The following TMEM178B variants were observed in gnomAD, a reference collection of about 807,000 sequenced individuals.
TMEM178B encodes transmembrane protein 178B.
Under a neutral mutation model 31.0 loss-of-function variants are expected in TMEM178B, and 5 were observed. The ratio of observed to expected loss-of-function variants is 0.16; its 90% CI spans 0.08 to 0.34. TMEM178B has a LOEUF of 0.34. TMEM178B is among the 10% of genes least tolerant of loss of function. The pLI is 1.00. For missense variants in TMEM178B, 275 were observed against 400.3 expected (o/e 0.69, Z 2.67); for synonymous variants, 164 against 164.0 (o/e 1.00, Z 0.00).
At chr7:141,089,584 A>G (rs2129172099) in intron 1 of TMEM178B, among the ~76,000 whole-genome samples, 1 of 152,348 alleles carries the variant, frequency 6.6e-6, no homozygotes, top group South Asian at 2.1e-4. Context: ...GGCACTATTC[A>G]CAATAGCAAA....
intron 2 of TMEM178B, among the ~76,000 whole-genome samples, chr7:141,238,121 G>A (rs2041533): frequency 0.24 from 36,952 of 151,850 alleles, 5,888 homozygotes; most frequent in Non-Finnish European, 0.36. Context: ...CTGGGAAACC[G>A]GTTGACTTCA....
chr7:141,299,042 A>G (rs958947211), intron 2 of TMEM178B, among the ~76,000 whole-genome samples: 5 of 152,014 alleles, frequency 3.3e-5, no homozygotes, highest in Admixed American at 2.0e-4. Flanking sequence ...TGGGTGAGAG[A>G]GAGATGTCAC....
In TMEM178B at chr7:141,192,175, C is replaced by T. The variant is rs2129185070; in HGVS notation, c.383-20416C>T. On this transcript the variant is annotated intron_variant, in intron 1 of 3. Transcript: ENST00000565468. ...GAGCTGGATTTTCTGAATTCTGGCC[C>T]AGTTCTTCTATCACCTAGGCAACAG... Among the ~76,000 whole-genome samples, 3 of 152,234 alleles carry T rather than the reference C, an allele frequency of 2.0e-5. No homozygotes were observed. In the South Asian group the frequency reaches 6.2e-4, roughly 32 times the overall value.
chr7:141,165,929 T>C lies in TMEM178B; in HGVS notation c.383-46662T>C, dbSNP rs1299505816. On this transcript the variant is annotated intron_variant, in intron 1 of 3. Transcript: ENST00000565468. Reference sequence around the variant, plus strand: ...GCTTAGCATTGTGCACGGCACATAGTGAGGGACTGTCCTTGTTAGCCACGG... The same window carrying C: ...GCTTAGCATTGTGCACGGCACATAGCGAGGGACTGTCCTTGTTAGCCACGG... Among the ~76,000 whole-genome samples the C allele has an allele frequency of 2.6e-5, 4 of 152,222 alleles. No individual in the cohort carries two copies. In the East Asian group the frequency reaches 7.7e-4, roughly 29 times the overall value.
intron 2 of TMEM178B, among the ~76,000 whole-genome samples, chr7:141,300,626 A>G (rs931012566): frequency 6.6e-6 from 1 of 151,960 alleles, no homozygotes; most frequent in African/African-American, 2.4e-5. Context: ...CCCATCTCTC[A>G]TCATTTGTGG....
intron 1 of TMEM178B, among the ~76,000 whole-genome samples, chr7:141,138,877 G>C (rs1014131939): frequency 6.6e-6 from 1 of 151,904 alleles, no homozygotes; most frequent in Non-Finnish European, 1.5e-5. Flanking sequence ...CCAGCTACTC[G>C]GGAGGCTGAG....
the TMEM178B span, among the ~76,000 whole-genome samples, chr7:141,491,074 C>G: frequency 6.6e-6 from 1 of 152,060 alleles, no homozygotes; most frequent in Admixed American, 6.6e-5. Context: ...GTTGCCCAGG[C>G]TGGAGTGCAG....
At chr7:141,245,170 C>CAAAAAAAAAAAA (rs59281560) in intron 2 of TMEM178B, among the ~76,000 whole-genome samples, 7 of 23,110 alleles carry the variant, frequency 3.0e-4, no homozygotes, top group African/African-American at 4.9e-4. Flanking sequence ...ACTCCATCAC[C>CAAAAAAAAAAAA]AAAAAAAAAA....
At chr7:141,204,497 C>G (rs560881114) in intron 1 of TMEM178B, among the ~76,000 whole-genome samples, 1 of 152,064 alleles carries the variant, frequency 6.6e-6, no homozygotes, top group Non-Finnish European at 1.5e-5. Context: ...CAGCTTCAGC[C>G]GGAATCGGAG....
chr7:141,102,037 C>A (rs899333495), intron 1 of TMEM178B, among the ~76,000 whole-genome samples: 1 of 151,340 alleles, frequency 6.6e-6, no homozygotes, highest in Non-Finnish European at 1.5e-5. Context: ...TGAGACTCAG[C>A]GAAAAACAGG....
Position 141,148,284 on chromosome 7 carries a change from T to C in TMEM178B, c.383-64307T>C, listed in dbSNP as rs141169515. Among the ~76,000 whole-genome samples the C allele has an allele frequency of 4.0e-3, 604 of 152,318 alleles. 6 individuals are homozygous for C. Among genetic ancestry groups the C allele is most frequent in the African/African-American group, 0.014 (582 of 41,570 alleles). The stretch of plus-strand genomic sequence containing the variant: ...GGCCTACCTAGATAATTCAGGATTA[T>C]TTCCTCATCACAGACCCTCAGCCAT... On this transcript the variant is annotated intron_variant, in intron 1 of 3. Coordinates refer to ENST00000565468, the MANE Select transcript of TMEM178B (RefSeq NM_001195278.2).
intron 2 of TMEM178B, among the ~76,000 whole-genome samples, chr7:141,433,323 G>A (rs1563181341): frequency 6.6e-6 from 1 of 152,132 alleles, no homozygotes. Flanking sequence ...GATCCAAATG[G>A]ACCTGCTGGT....
chr7:141,361,658 G>A (rs966217998), intron 2 of TMEM178B, among the ~76,000 whole-genome samples: 10 of 152,168 alleles, frequency 6.6e-5, no homozygotes, highest in South Asian at 4.1e-4. Flanking sequence ...CCCTTGTCCC[G>A]TTTTAGCCTC....
intron 2 of TMEM178B, among the ~76,000 whole-genome samples, chr7:141,412,475 C>G (rs1801008520): frequency 6.6e-6 from 1 of 152,170 alleles, no homozygotes; most frequent in Non-Finnish European, 1.5e-5. Context: ...AGGTTTCTGC[C>G]TTGGGATCAT....
chr7:141,393,640 C>T (rs185160912), intron 2 of TMEM178B, among the ~76,000 whole-genome samples: 74 of 152,274 alleles, frequency 4.9e-4, no homozygotes, highest in Non-Finnish European at 9.6e-4. Context: ...AGAGAAAGGT[C>T]CAAAGAGAGA....
At chr7:141,190,131 C>T (rs1174231894) in intron 1 of TMEM178B, among the ~76,000 whole-genome samples, 1 of 152,138 alleles carries the variant, frequency 6.6e-6, no homozygotes, top group Non-Finnish European at 1.5e-5. Flanking sequence ...TCCTGATCAA[C>T]CCATCATAAG....
rs1797067801 is a variant in TMEM178B, at chr7:141,212,584, T to C, written c.383-7T>C. ...TTAACATTTTGTTTCCTGTTTCTCTTTTCTAGGAGAAATTGAGCGATGTAC... is the reference window on the plus strand; with the variant it reads ...TTAACATTTTGTTTCCTGTTTCTCTCTTCTAGGAGAAATTGAGCGATGTAC... On this transcript the variant is annotated splice_region_variant and splice_polypyrimidine_tract_variant and intron_variant, in intron 1 of 3. Transcript: ENST00000565468. 2 of 1,535,428 alleles carry C rather than the reference T, an allele frequency of 1.3e-6. No homozygotes were observed. Among genetic ancestry groups the C allele is most frequent in the African/African-American group, 1.4e-5 (1 of 73,058 alleles).
chr7:141,381,590 T>A (rs1800316178), intron 2 of TMEM178B, among the ~76,000 whole-genome samples: 1 of 152,244 alleles, frequency 6.6e-6, no homozygotes, highest in African/African-American at 2.4e-5. Context: ...GATTAGGACA[T>A]AAGGAGTCTC....
rs1232517123 is a variant in TMEM178B at position 141,170,689 on chromosome 7, G to C, written c.383-41902G>C. Among the ~76,000 whole-genome samples, 7 of 152,184 alleles carry C rather than the reference G, an allele frequency of 4.6e-5. No individual in the cohort carries two copies. The East Asian group carries it at 1.3e-3, about 29-fold the overall frequency. Reference sequence around the variant, plus strand: ...AAGTTCCCACCAGCTGACAAGGACTGTGTGCAATGCATTGCTGTATCAAAG... The same window carrying C: ...AAGTTCCCACCAGCTGACAAGGACTCTGTGCAATGCATTGCTGTATCAAAG... On this transcript the variant is annotated intron_variant, in intron 1 of 3. Transcript: ENST00000565468.
Sources: gnomAD v4.1 joint callset for allele counts (sites outside exome capture counted in the v4.1 genomes callset) on GRCh38, gnomAD v4.1.1 for gene constraint, MANE v1.5 for transcripts, NCBI Gene and HGNC (gene_info 2026-07-23, HGNC 2026-07-21) for gene names.